Variants in CCDC91 observed in about 807,000 individuals in gnomAD.
The protein encoded by CCDC91 is coiled-coil domain-containing protein 91.
CCDC91 carries 48 observed loss-of-function variants against 63.2 expected under a neutral mutation model. The observed-to-expected ratio is 0.76, with a 90% confidence interval of 0.60 to 0.97. The LOEUF is 0.97. Among genes scored for constraint, CCDC91 ranks in the 50% least tolerant of loss-of-function variants. The pLI, the probability that CCDC91 is intolerant of heterozygous loss-of-function variation, is 0.00. For synonymous variants in CCDC91, 167 were observed against 165.8 expected (o/e 1.01, Z -0.06); for missense variants, 500 against 494.6 (o/e 1.01, Z -0.10).
chr12:28,294,477 C>T (rs1949436915), intron 3 of CCDC91, among the ~76,000 whole-genome samples: 1 of 152,140 alleles, frequency 6.6e-6, no homozygotes, highest in Admixed American at 6.6e-5. Context: ...CTCTCTTTCT[C>T]CTTCTGTCTT....
At chr12:28,286,731 T>C (rs1287389734) in intron 3 of CCDC91, among the ~76,000 whole-genome samples, 1 of 152,184 alleles carries the variant, frequency 6.6e-6, no homozygotes, top group Admixed American at 6.5e-5. Context: ...TTCCCAGTAA[T>C]GGGGGGACTA....
chr12:28,360,651 G>T (rs1388175799), intron 6 of CCDC91, among the ~76,000 whole-genome samples: 1 of 151,738 alleles, frequency 6.6e-6, no homozygotes, highest in Non-Finnish European at 1.5e-5. Flanking sequence ...ATTTTCTTTG[G>T]GATTTTAGTT....
intron 3 of CCDC91, among the ~76,000 whole-genome samples, chr12:28,265,841 A>C (rs535450616): frequency 2.6e-5 from 4 of 152,078 alleles, no homozygotes; most frequent in Non-Finnish European, 5.9e-5. Flanking sequence ...ACATATGTGC[A>C]TTATGGTAGG....
rs375888090 is a variant in CCDC91, at chr12:28,362,530, G to A, written c.654+15G>A. On this transcript the variant is annotated intron_variant, in intron 7 of 12. Coordinates refer to ENST00000536442, the MANE Select transcript of CCDC91 (RefSeq NM_018318.5). ...ATGAATATAAGGTAGAGGTTTGAGAGTGTTTACTTTTTTAAACCTTGGATA... is the reference window on the plus strand; with the variant it reads ...ATGAATATAAGGTAGAGGTTTGAGAATGTTTACTTTTTTAAACCTTGGATA... 9.2e-5 allele frequency: 141 copies of A among 1,533,494 alleles called. No homozygotes were observed. The African/African-American group carries it at 1.9e-3, about 21-fold the overall frequency. The allele number at this position is 1,533,494 out of a possible 1,614,324, so 95.0% of individuals were successfully genotyped here. A position where few individuals can be genotyped will look rare whatever the true frequency, so the allele number is the denominator to read the frequency against.
intron 1 of CCDC91, among the ~76,000 whole-genome samples, chr12:28,234,561 C>T (rs1055065307): frequency 1.3e-5 from 2 of 152,042 alleles, no homozygotes; most frequent in Non-Finnish European, 2.9e-5. Flanking sequence ...ACAAAAATAA[C>T]TGTTTCTTGA....
intron 1 of CCDC91, among the ~76,000 whole-genome samples, chr12:28,202,705 G>C (rs1476959865): frequency 6.6e-6 from 1 of 152,240 alleles, no homozygotes; most frequent in Non-Finnish European, 1.5e-5. Flanking sequence ...GTAGCAAGAA[G>C]TCAAAGCTTA....
chr12:28,396,602 G>A (rs1946300179), intron 8 of CCDC91, among the ~76,000 whole-genome samples: 1 of 151,846 alleles, frequency 6.6e-6, no homozygotes, highest in South Asian at 2.1e-4. Context: ...GACTTTGTGG[G>A]AATACAAGAG....
intron 1 of CCDC91, among the ~76,000 whole-genome samples, chr12:28,202,029 G>A (rs1283075641): frequency 6.6e-6 from 1 of 151,458 alleles, no homozygotes; most frequent in Admixed American, 6.6e-5. Flanking sequence ...AGAGGGAGAG[G>A]GTTTTCTATG....
intron 6 of CCDC91, among the ~76,000 whole-genome samples, chr12:28,321,097 T>C (rs1385227372): frequency 6.6e-6 from 1 of 151,920 alleles, no homozygotes. Flanking sequence ...AATGCTTATG[T>C]ATAGTAAATG....
intron 11 of CCDC91, among the ~76,000 whole-genome samples, chr12:28,469,556 T>G (rs1318989360): frequency 6.6e-6 from 1 of 151,896 alleles, no homozygotes; most frequent in Non-Finnish European, 1.5e-5. Context: ...AAAGTACAAA[T>G]GACATTCTTC....
At chr12:28,402,520 A>ATTTTTTTTTTTTTTTTTTTTTTTTTT (rs57398967) in intron 8 of CCDC91, among the ~76,000 whole-genome samples, 1 of 51,926 alleles carries the variant, frequency 1.9e-5, no homozygotes, top group Non-Finnish European at 3.4e-5. Context: ...AGTTCCAGGA[A>ATTTTTTTTTTTTTTTTTTTTTTTTTT]TTTTTTTTTT....
At chr12:28,191,959 C>A (rs2121173532) in intron 1 of CCDC91, among the ~76,000 whole-genome samples, 1 of 152,116 alleles carries the variant, frequency 6.6e-6, no homozygotes, top group Non-Finnish European at 1.5e-5. Context: ...GGTTTCCTAG[C>A]AACAGTATAA....
At chr12:28,516,871 T>G (rs1464011) in intron 12 of CCDC91, among the ~76,000 whole-genome samples, 48,827 of 151,724 alleles carry the variant, frequency 0.32, 8,457 homozygotes, top group African/African-American at 0.41. Context: ...CCTCTTAAAG[T>G]TCTCACCTCT....
At chr12:28,252,911 T>G (rs1178409963) in intron 1 of CCDC91, among the ~76,000 whole-genome samples, 1 of 152,204 alleles carries the variant, frequency 6.6e-6, no homozygotes, top group Non-Finnish European at 1.5e-5. Flanking sequence ...TTTTAACATA[T>G]TTAATCCTTG....
intron 3 of CCDC91, among the ~76,000 whole-genome samples, chr12:28,298,104 T>A (rs1949663621): frequency 7.4e-6 from 1 of 135,236 alleles, no homozygotes; most frequent in Non-Finnish European, 1.7e-5. Context: ...TGCTCTCTTT[T>A]CTTTCACAGA....
chr12:28,465,835 A>G (rs1159834752), intron 11 of CCDC91, among the ~76,000 whole-genome samples: 3 of 152,226 alleles, frequency 2.0e-5, no homozygotes, highest in Admixed American at 6.5e-5. Context: ...ATAAGACACC[A>G]GAGACCAATT....
chr12:28,423,060 C>T (rs2139942597), intron 8 of CCDC91, among the ~76,000 whole-genome samples: 1 of 152,068 alleles, frequency 6.6e-6, no homozygotes, highest in East Asian at 1.9e-4. Context: ...AAAACAGAAA[C>T]TCTAGAGTAG....
At chr12:28,359,340 T>G (rs2138477384) in intron 6 of CCDC91, among the ~76,000 whole-genome samples, 1 of 152,382 alleles carries the variant, frequency 6.6e-6, no homozygotes, top group Non-Finnish European at 1.5e-5. Context: ...TGTAATGAAT[T>G]AGGCCAAATA....
chr12:28,335,045 A>G lies in CCDC91; in HGVS notation c.576+27296A>G, dbSNP rs549796326. ...TATAAAAATATATAAAATATTTAAT[A>G]TATAAATATTTAAAAAGTTAAACAT... On this transcript the variant is annotated intron_variant, in intron 6 of 12. Coordinates refer to ENST00000536442, the MANE Select transcript of CCDC91 (RefSeq NM_018318.5). Among the ~76,000 whole-genome samples, 116 of 146,414 alleles carry G rather than the reference A, an allele frequency of 7.9e-4. 3 individuals carry two copies. The highest frequency in any genetic ancestry group is 2.7e-3 in the African/African-American group (109 of 40,370).
Sources: allele counts gnomAD v4.1 joint callset (sites outside exome capture counted in the v4.1 genomes callset), GRCh38; gene constraint gnomAD v4.1.1; transcripts MANE v1.5; gene names NCBI Gene and HGNC (gene_info 2026-07-23, HGNC 2026-07-21).